Variants in CLN8 observed in about 807,000 individuals in gnomAD.
CLN8 encodes CLN8 transmembrane ER and ERGIC protein.
Under a neutral mutation model 15.7 loss-of-function variants are expected in CLN8, and 14 were observed. The observed-to-expected ratio is 0.89, with a 90% CI of 0.59 to 1.39. CLN8 has a LOEUF of 1.39. CLN8 is among the 40% of genes most tolerant of loss of function. The pLI is 0.00. For synonymous variants in CLN8, 188 were observed against 151.0 expected (o/e 1.25, Z -1.80); for missense variants, 415 against 364.0 (o/e 1.14, Z -1.14).
intron 2 of CLN8, among the ~76,000 whole-genome samples, chr8:1,772,237 C>T (rs1489326970): frequency 6.6e-6 from 1 of 151,896 alleles, no homozygotes; most frequent in Non-Finnish European, 1.5e-5. Flanking sequence ...TGCCTGGCCT[C>T]TTTTAATACT....
chr8:1,763,090 C>T (rs569823244), upstream of CLN8: 1 of 152,274 alleles, frequency 6.6e-6, no homozygotes, highest in Non-Finnish European at 1.5e-5. Flanking sequence ...CGGGGATGCG[C>T]TCGGTCAAGA....
At chr8:1,763,374 C>A (rs1800861157), upstream of CLN8, 1 of 104,932 alleles carries the variant, frequency 9.5e-6, no homozygotes, top group Non-Finnish European at 2.1e-5. Flanking sequence ...TCCACCCCGC[C>A]GCCCCACAGC....
chr8:1,771,652 C>A, intron 2 of CLN8, 55 bp downstream of exon 2: 1 of 1,508,218 alleles, frequency 6.6e-7, no homozygotes, highest in Non-Finnish European at 9.1e-7. Context: ...TAATCACTGG[C>A]TACAATGTCC....
upstream of CLN8, chr8:1,758,797 T>C (rs1585118260): frequency 6.6e-6 from 1 of 152,150 alleles, no homozygotes; most frequent in East Asian, 1.9e-4. Flanking sequence ...AAGGATTGTC[T>C]GGGTTACGAT....
upstream of CLN8, chr8:1,763,409 CCG>C (rs1458720566): frequency 7.4e-5 from 4 of 54,068 alleles, no homozygotes; most frequent in Admixed American, 4.5e-4. Flanking sequence ...GCCCCGCCCC[CCG>C]CCGCGCCCCG....
rs755662718 is a variant in CLN8 at position 1,780,338 on chromosome 8, T to C, written c.632T>C (p.Met211Thr). The C allele has an allele frequency of 3.1e-6, 5 of 1,614,100 alleles. No individual in the cohort carries two copies. Among genetic ancestry groups the C allele is most frequent in the Non-Finnish European group, 4.2e-6 (5 of 1,180,056 alleles). The change falls in exon 3 of 3, where the codon ATG becomes ACG. Residue 211 changes from methionine to threonine, a missense_variant. Coordinates refer to ENST00000331222, the MANE Select transcript of CLN8 (RefSeq NM_018941.4). The part of the protein sequence containing the change: ...FHCRMVLTYH[M>T]WWVCFWHWDG... ...TGCCGCATGGTTCTAACCTACCACA[T>C]GTGGTGGGTGTGTTTCTGGCACTGG...
chr8:1,771,673 C>T, intron 2 of CLN8, 76 bp downstream of exon 2: 2 of 1,375,372 alleles, frequency 1.5e-6, no homozygotes, highest in Non-Finnish European at 2.0e-6. Context: ...TGGACGCTGC[C>T]ATAAACTCAA....
At chr8:1,770,908 C>G (rs1460610643) in intron 1 of CLN8, 24 bp from the exon 2 acceptor site, 7 of 745,058 alleles carry the variant, frequency 9.4e-6, no homozygotes, top group Non-Finnish European at 1.6e-5. Context: ...CGAGTCAACA[C>G]AAAATGAATG....
At chr8:1,775,942 A>G (rs570990261) in intron 2 of CLN8, among the ~76,000 whole-genome samples, 1 of 152,192 alleles carries the variant, frequency 6.6e-6, no homozygotes, top group Non-Finnish European at 1.5e-5. Flanking sequence ...TGGGAGGCAC[A>G]TATGCATGTG....
At chr8:1,763,534 CG>C (rs1800883004), upstream of CLN8, among the ~76,000 whole-genome samples, 5 of 12 alleles carry the variant, frequency 0.42, 1 homozygote, top group East Asian at 0.5. Context: ...CCCCCCGCCG[CG>C]CCCCGCCCCC....
intron 1 of CLN8, among the ~76,000 whole-genome samples, chr8:1,766,976 C>T (rs1299360773): frequency 2.0e-5 from 3 of 152,210 alleles, no homozygotes; most frequent in African/African-American, 7.2e-5. Context: ...TTGGGGTGAA[C>T]CACAGCTGTT....
intron 2 of CLN8, among the ~76,000 whole-genome samples, chr8:1,775,158 CAAAT>C (rs555682263): frequency 1.3e-4 from 20 of 151,904 alleles, no homozygotes; most frequent in African/African-American, 3.1e-4. Flanking sequence ...AAAAATATAA[CAAAT>C]AAATACCAAT....
At chr8:1,754,377 A>G (rs1800619333), upstream of CLN8, among the ~76,000 whole-genome samples, 1 of 152,116 alleles carries the variant, frequency 6.6e-6, no homozygotes, top group Non-Finnish European at 1.5e-5. Flanking sequence ...CACCCACAAC[A>G]ATTACTTTCC....
Position 1,780,420 on chromosome 8 carries a change from G to A in CLN8, c.714G>A (p.Leu238=), listed in dbSNP as rs2129015271. Residue 238 remains leucine, a synonymous_variant, in exon 3 of 3, where the codon CTG becomes CTA. Transcript: ENST00000331222. ...LPHLTLFLVG[L]ALLTLIINPY... ...ATTTGACACTGTTCCTTGTCGGACT[G>A]GCTCTGCTTACGCTAATCATTAATC... 1 of 1,614,220 alleles carries A rather than the reference G, an allele frequency of 6.2e-7. No individual in the cohort carries two copies. The highest frequency in any genetic ancestry group is 1.3e-5 in the African/African-American group (1 of 75,058).
At chr8:1,764,220 C>G (rs907686683) in intron 1 of CLN8, 1 of 152,296 alleles carries the variant, frequency 6.6e-6, no homozygotes, top group Non-Finnish European at 1.5e-5. Flanking sequence ...GTGCGGTTCC[C>G]GGACAGCAGC....
At chr8:1,777,247 T>G (rs1801556827) in intron 2 of CLN8, among the ~76,000 whole-genome samples, 1 of 152,098 alleles carries the variant, frequency 6.6e-6, no homozygotes, top group African/African-American at 2.4e-5. Flanking sequence ...AAAGGTATAG[T>G]AAAAATACCA....
intron 2 of CLN8, among the ~76,000 whole-genome samples, chr8:1,773,368 A>G (rs570270360): frequency 6.6e-5 from 10 of 152,220 alleles, no homozygotes; most frequent in Non-Finnish European, 1.3e-4. Flanking sequence ...CATCCTGGTG[A>G]GTGCGTGGTT....
At chr8:1,768,663 C>T (rs1245384817) in intron 1 of CLN8, among the ~76,000 whole-genome samples, 1 of 152,094 alleles carries the variant, frequency 6.6e-6, no homozygotes, top group Non-Finnish European at 1.5e-5. Context: ...TTGCCTGATA[C>T]CTGTCCTTTC....
At chr8:1,765,988 G>C (rs1252810283) in intron 1 of CLN8, among the ~76,000 whole-genome samples, 2 of 152,102 alleles carry the variant, frequency 1.3e-5, no homozygotes, top group African/African-American at 4.8e-5. Flanking sequence ...AAAAATGCTG[G>C]TATCCATAGC....
Sources: allele counts gnomAD v4.1 joint callset (sites outside exome capture counted in the v4.1 genomes callset), GRCh38; gene constraint gnomAD v4.1.1; transcripts MANE v1.5; gene names NCBI Gene and HGNC (gene_info 2026-07-23, HGNC 2026-07-21).